DPYSL3: variants seen among roughly 807,000 people sequenced by gnomAD.
DPYSL3 encodes dihydropyrimidinase like 3.
A neutral mutation model predicts 66.1 loss-of-function variants in DPYSL3; 16 were observed. The observed-to-expected ratio is 0.24, with a 90% CI of 0.16 to 0.37. DPYSL3 has a LOEUF of 0.37. Ranked by LOEUF, DPYSL3 falls within the 10% of genes least tolerant of loss-of-function variation. The pLI is 1.00. For missense variants in DPYSL3, 738 were observed against 916.2 expected (o/e 0.81, Z 2.51); for synonymous variants, 338 against 345.1 (o/e 0.98, Z 0.23).
At chr5:147,499,013 T>C (rs888763083) in intron 1 of DPYSL3, among the ~76,000 whole-genome samples, 1 of 152,184 alleles carries the variant, frequency 6.6e-6, no homozygotes, top group Admixed American at 6.5e-5. Context: ...ATGACCTAAA[T>C]GGTATTGCCT....
intron 1 of DPYSL3, among the ~76,000 whole-genome samples, chr5:147,430,266 C>T (rs139669519): frequency 0.012 from 1,789 of 151,830 alleles, 20 homozygotes; most frequent in Non-Finnish European, 0.017. Flanking sequence ...GAGGCCGAGG[C>T]GGGTGGGTCA....
Position 147,479,075 on chromosome 5 carries a change from G to GA in DPYSL3, c.381+30402dup, listed in dbSNP as rs558216235. ...TGAGTACATCATGAGTTAATTAAAGGAAAAAAAAAGTGTAGACAGGCAGTA... is the reference window on the plus strand; with the variant it reads ...TGAGTACATCATGAGTTAATTAAAGGAAAAAAAAAAGTGTAGACAGGCAGTA... On this transcript the variant is annotated intron_variant, in intron 1 of 13. Transcript: ENST00000343218. Among the ~76,000 whole-genome samples the GA allele has an allele frequency of 4.6e-5, 7 of 150,588 alleles. No homozygotes were observed. In the East Asian group the frequency reaches 5.8e-4, roughly 12 times the overall value.
intron 10 of DPYSL3, among the ~76,000 whole-genome samples, chr5:147,399,633 G>A (rs539922453): frequency 6.6e-6 from 1 of 152,262 alleles, no homozygotes; most frequent in Non-Finnish European, 1.5e-5. Flanking sequence ...TATGTTGTAT[G>A]CATAGAATAA....
Position 147,509,554 on chromosome 5 carries a change from G to A in DPYSL3, c.305C>T (p.Ser102Phe), listed in dbSNP as rs1293421134. ...GATCTCTACCCCGGCGGGGGCGGGG[G>A]AGGCGGGCGCGGGCTCCCTGCTCTC... Reference protein sequence around the residue: ...REESREPAPASPAPAGVEIRS... With the variant: ...REESREPAPAFPAPAGVEIRS... The change falls in exon 1 of 14, where the codon TCC (serine) becomes TTC (phenylalanine). Residue 102 changes from serine (S) to phenylalanine (F), a missense_variant. Coordinates refer to ENST00000343218, the MANE Select transcript of DPYSL3 (RefSeq NM_001197294.2). This position sits in a 1 kb window ranked among gnomAD's most constrained non-coding sequence, Gnocchi z 5.3. The A allele has an allele frequency of 6.5e-6, 10 of 1,534,914 alleles. No homozygotes were observed. In the Admixed American group the frequency reaches 1.2e-4, roughly 18 times the overall value.
intron 1 of DPYSL3, among the ~76,000 whole-genome samples, chr5:147,470,555 T>C (rs1215173058): frequency 6.6e-6 from 1 of 152,130 alleles, no homozygotes; most frequent in Non-Finnish European, 1.5e-5. Context: ...TCTCCAATCA[T>C]TCCTCAGTAT....
In DPYSL3 at chr5:147,510,060, GC is replaced by G; in HGVS notation, c.-203del. 1.2e-6 allele frequency: 1 copy of G among 826,788 alleles called. No individual in the cohort carries two copies. The highest frequency in any genetic ancestry group is 1.8e-6 in the Non-Finnish European group (1 of 564,478). 51.2% of individuals were successfully genotyped at this position (826,788 alleles called of 1,614,324 possible). On this transcript the variant is annotated 5_prime_UTR_variant, in exon 1 of 14. Coordinates refer to ENST00000343218, the MANE Select transcript of DPYSL3 (RefSeq NM_001197294.2). Reference sequence around the variant, plus strand: ...CAGCCAGCTAGCGCGCGGAGCAGGGGCCCAGAGTAGCGCCGCGCTTGGCTCA... The same window carrying G: ...CAGCCAGCTAGCGCGCGGAGCAGGGGCCAGAGTAGCGCCGCGCTTGGCTCA...
intron 1 of DPYSL3, among the ~76,000 whole-genome samples, chr5:147,435,057 T>C (rs1451786344): frequency 6.6e-6 from 1 of 152,120 alleles, no homozygotes; most frequent in Admixed American, 6.5e-5. Flanking sequence ...ACAATTTTTC[T>C]GTAAGCCTAA....
In DPYSL3 at chr5:147,480,884, G is replaced by C. The variant is rs560765704; in HGVS notation, c.381+28594C>G. ...ATTACAGGCATGTGCCACTACGCCCGGCTCATTTTGTATTTTTAGTAGAGA... is the reference window on the plus strand; with the variant it reads ...ATTACAGGCATGTGCCACTACGCCCCGCTCATTTTGTATTTTTAGTAGAGA... On this transcript the variant is annotated intron_variant, in intron 1 of 13. Transcript: ENST00000343218. 4.0e-5 allele frequency among the ~76,000 whole-genome samples: 6 copies of C among 151,842 alleles called. No homozygotes were observed. The South Asian group carries it at 1.3e-3, about 32-fold the overall frequency.
In DPYSL3 at chr5:147,415,691, C is replaced by T. The variant is rs374272361; in HGVS notation, c.820+18G>A. The T allele has an allele frequency of 2.5e-5, 41 of 1,609,858 alleles. No individual in the cohort carries two copies. The highest frequency in any genetic ancestry group is 3.3e-5 in the Admixed American group (2 of 59,822). On this transcript the variant is annotated intron_variant, in intron 4 of 13. Coordinates refer to ENST00000343218, the MANE Select transcript of DPYSL3 (RefSeq NM_001197294.2). ...GAAGAAGCTAAGAGAGGAGGGAGGA[C>T]GGCATGTCCGGGCTCACCTTTGTCC... is the stretch of plus-strand genomic sequence containing the variant.
intron 1 of DPYSL3, among the ~76,000 whole-genome samples, chr5:147,488,002 T>A (rs1221826850): frequency 6.6e-6 from 1 of 152,242 alleles, no homozygotes; most frequent in Non-Finnish European, 1.5e-5. Context: ...CTATCAATTG[T>A]GTGAAAAACC....
In DPYSL3 at chr5:147,425,862, G is replaced by C. The variant is rs372376010; in HGVS notation, c.382-899C>G. On this transcript the variant is annotated intron_variant, in intron 1 of 13. Coordinates refer to ENST00000343218, the MANE Select transcript of DPYSL3 (RefSeq NM_001197294.2). ...AATGGAGCTTAGGCTGGAGTATGAG[G>C]GATGGATTAAGCTTTGTTGGGTTCA... 7.9e-5 allele frequency among the ~76,000 whole-genome samples: 12 copies of C among 152,212 alleles called. No individual in the cohort carries two copies. In the East Asian group the frequency reaches 2.1e-3, roughly 27 times the overall value.
intron 1 of DPYSL3, among the ~76,000 whole-genome samples, chr5:147,444,342 G>T (rs1752591198): frequency 6.6e-6 from 1 of 152,134 alleles, no homozygotes; most frequent in Admixed American, 6.5e-5. Flanking sequence ...AAGTTGTTTT[G>T]ATAATTAAGT....
chr5:147,491,995 C>T (rs1753423276), intron 1 of DPYSL3, among the ~76,000 whole-genome samples: 1 of 151,840 alleles, frequency 6.6e-6, no homozygotes, highest in Non-Finnish European at 1.5e-5. Flanking sequence ...TACACATAGA[C>T]ATATATTCAA....
intron 1 of DPYSL3, among the ~76,000 whole-genome samples, chr5:147,450,779 C>T (rs1752713427): frequency 6.6e-6 from 1 of 152,180 alleles, no homozygotes; most frequent in Non-Finnish European, 1.5e-5. Context: ...CCCAGGAAGG[C>T]AAAGGGTACC....
rs1246331238 is a variant in DPYSL3, at chr5:147,392,886, TTCCC to T, written c.*1145_*1148del. 1.3e-5 allele frequency: 2 copies of T among 152,198 alleles called. No homozygotes were observed. The highest frequency in any genetic ancestry group is 6.5e-5 in the Admixed American group (1 of 15,278). The allele number at this position is 152,198 out of a possible 1,614,324, so 9.4% of individuals were successfully genotyped here. On this transcript the variant is annotated 3_prime_UTR_variant, in exon 14 of 14. Coordinates refer to ENST00000343218, the MANE Select transcript of DPYSL3 (RefSeq NM_001197294.2). ...TCAAGACTGACTTTGGCTTTCCCAG[TTCCC>T]CACTTGACTTTCATATAAGCTGAGA...
At chr5:147,468,160 C>G (rs1279249376) in intron 1 of DPYSL3, among the ~76,000 whole-genome samples, 1 of 152,166 alleles carries the variant, frequency 6.6e-6, no homozygotes, top group Non-Finnish European at 1.5e-5. Context: ...AACAATGGCT[C>G]TATTGTAATG....
rs186749564 is a variant in DPYSL3 at position 147,443,536 on chromosome 5, C to T, written c.382-18573G>A. On this transcript the variant is annotated intron_variant, in intron 1 of 13. Transcript: ENST00000343218. ...AGGATGGGTCAATAGGTGCAGCCAACCACCACGGCACATGTATACCTATGT... is the reference window on the plus strand; with the variant it reads ...AGGATGGGTCAATAGGTGCAGCCAATCACCACGGCACATGTATACCTATGT... Among the ~76,000 whole-genome samples, 84 of 150,536 alleles carry T rather than the reference C, an allele frequency of 5.6e-4. 1 individual carries two copies. The highest frequency in any genetic ancestry group is 1.9e-3 in the African/African-American group (80 of 41,074).
chr5:147,500,102 A>G (rs1581220215), intron 1 of DPYSL3, among the ~76,000 whole-genome samples: 2 of 152,198 alleles, frequency 1.3e-5, no homozygotes, highest in African/African-American at 4.8e-5. Context: ...AACACAGATG[A>G]CCTTGGGTAT....
intron 1 of DPYSL3, among the ~76,000 whole-genome samples, chr5:147,456,209 A>C (rs912759900): frequency 6.6e-6 from 1 of 152,362 alleles, no homozygotes; most frequent in East Asian, 1.9e-4. Context: ...TTCCTTGGCC[A>C]TAAGAAAGGC....
Sources: gnomAD v4.1 joint callset for allele counts (sites outside exome capture counted in the v4.1 genomes callset) on GRCh38, gnomAD v4.1.1 for gene constraint, Gnocchi (gnomAD v3.1) non-coding constraint, MANE v1.5 for transcripts, NCBI Gene and HGNC (gene_info 2026-07-23, HGNC 2026-07-21) for gene names.